Variants in DNAJC21 observed in about 807,000 individuals in gnomAD.
DNAJC21 encodes the protein dnaJ homolog subfamily C member 21.
A neutral mutation model predicts 72.4 loss-of-function variants in DNAJC21; 63 were observed. The ratio of observed to expected loss-of-function variants is 0.87; its 90% CI spans 0.71 to 1.07. The LOEUF is 1.07. DNAJC21 is among the 50% of genes least tolerant of loss of function. The probability of loss-of-function intolerance (pLI) is 0.00; values close to 1 mark genes in which losing one functional copy is unlikely to be tolerated. For synonymous variants in DNAJC21, 203 were observed against 216.7 expected (o/e 0.94, Z 0.56); for missense variants, 634 against 644.8 (o/e 0.98, Z 0.18).
chr5:34,937,876 A>G (rs998569010), intron 5 of DNAJC21, among the ~76,000 whole-genome samples: 1 of 152,000 alleles, frequency 6.6e-6, no homozygotes, highest in East Asian at 1.9e-4. Flanking sequence ...GCTCACTGCA[A>G]CCTCCGCCTC....
chr5:34,935,655 CTT>C, intron 2 of DNAJC21, 53 bp from the exon 3 acceptor site: 1 of 1,603,968 alleles, frequency 6.2e-7, no homozygotes, highest in Non-Finnish European at 8.5e-7. Context: ...GCAAGAAATC[CTT>C]TTGAATTCTT....
intron 9 of DNAJC21, among the ~76,000 whole-genome samples, chr5:34,948,286 GGTTTTT>G (rs1169742293): frequency 1.3e-5 from 2 of 152,128 alleles, no homozygotes; most frequent in African/African-American, 4.8e-5. Flanking sequence ...CACACGTTTT[GGTTTTT>G]AAGTTCACTT....
At chr5:34,940,361 A>C (rs534949158) in intron 6 of DNAJC21, among the ~76,000 whole-genome samples, 2 of 152,356 alleles carry the variant, frequency 1.3e-5, no homozygotes, top group Admixed American at 1.3e-4. Flanking sequence ...TTATGATTTC[A>C]ATGAGACAGT....
chr5:34,951,896 A>G (rs573011314), intron 10 of DNAJC21: 175 of 985,458 alleles, frequency 1.8e-4, no homozygotes, highest in Admixed American at 2.5e-4. Flanking sequence ...CCACTGATAT[A>G]GTTCAGCTCT....
rs950574037 is a variant in DNAJC21, at chr5:34,958,482, T to C, written c.*3768T>C. On this transcript the variant is annotated 3_prime_UTR_variant, in exon 12 of 12. Transcript: ENST00000648817. ...TTTTAAATGAGAATCTATAAGGTTATTTTCATGATTTTGCAAATGGGAAGG... is the reference window on the plus strand; with the variant it reads ...TTTTAAATGAGAATCTATAAGGTTACTTTCATGATTTTGCAAATGGGAAGG... The C allele has an allele frequency of 6.6e-6, 1 of 152,186 alleles. No homozygotes were observed. The highest frequency in any genetic ancestry group is 1.5e-5 in the Non-Finnish European group (1 of 68,038). 9.4% of individuals were successfully genotyped at this position (152,186 alleles called of 1,614,324 possible).
chr5:34,954,669 C>G lies in DNAJC21; in HGVS notation c.1551C>G (p.Ser517Arg), dbSNP rs539760094. The G allele has an allele frequency of 6.2e-7, 1 of 1,610,758 alleles. No individual in the cohort carries two copies. The highest frequency in any genetic ancestry group is 1.3e-5 in the African/African-American group (1 of 74,838). Residue 517 changes from serine to arginine, a missense_variant, in exon 12 of 12, where the codon AGC becomes AGG. Ser to Arg is a moderately radical substitution (Grantham distance 110, BLOSUM62 -1). Transcript: ENST00000648817. ...ARAPSSSSLNSATSSQSKKEK... is the reference protein window; with the variant it reads ...ARAPSSSSLNRATSSQSKKEK... Reference sequence around the variant, plus strand: ...CACCTTCATCATCGTCTTTAAACAGCGCAACAAGTAGTCAAAGCAAGAAAG... The same window carrying G: ...CACCTTCATCATCGTCTTTAAACAGGGCAACAAGTAGTCAAAGCAAGAAAG...
intron 3 of DNAJC21, 100 bp downstream of exon 3, chr5:34,935,933 C>T: frequency 6.6e-7 from 1 of 1,521,312 alleles, no homozygotes; most frequent in Non-Finnish European, 8.9e-7. Context: ...GAAAGTGAAG[C>T]AGTGTTCATT....
intron 1 of DNAJC21, among the ~76,000 whole-genome samples, chr5:34,930,958 A>G (rs2112011866): frequency 6.6e-6 from 1 of 152,368 alleles, no homozygotes; most frequent in South Asian, 2.1e-4. Context: ...ACCATTTTGT[A>G]TTGAGTCTTC....
intron 4 of DNAJC21, 121 bp from the exon 5 acceptor site, chr5:34,937,205 A>G: frequency 1.0e-6 from 1 of 995,740 alleles, no homozygotes; most frequent in Non-Finnish European, 1.5e-6. Flanking sequence ...TCCAGAGATT[A>G]TTAGAAGTGT....
chr5:34,945,855 G>T, intron 9 of DNAJC21, 52 bp downstream of exon 9: 1 of 1,308,766 alleles, frequency 7.6e-7, no homozygotes, highest in Non-Finnish European at 1.1e-6. Flanking sequence ...AAGTTGCAGT[G>T]CTCTTATTTA....
chr5:34,950,919 G>T (rs988973069), intron 10 of DNAJC21: 6 of 985,476 alleles, frequency 6.1e-6, no homozygotes, highest in Non-Finnish European at 7.2e-6. Context: ...CATCCTCCTC[G>T]GTTCCTCTAG....
At chr5:34,949,498 ATTC>A (rs1223559519) in intron 9 of DNAJC21, 1 of 1,550,984 alleles carries the variant, frequency 6.4e-7, no homozygotes, top group Non-Finnish European at 8.7e-7. Flanking sequence ...TTAGCATTAG[ATTC>A]TTGAGTGTGA....
Position 34,950,418 on chromosome 5 carries a change from A to C in DNAJC21, c.1358+76A>C, listed in dbSNP as rs191548338. 2,324 of 1,512,900 alleles carry C rather than the reference A, an allele frequency of 1.5e-3. 1 individual carries two copies. Among genetic ancestry groups the C allele is most frequent in the Non-Finnish European group, 1.7e-3 (1,983 of 1,134,194 alleles). 93.7% of individuals were successfully genotyped at this position (1,512,900 alleles called of 1,614,324 possible). ...GATGTAGCTTTTCATATATCAAATA[A>C]AATCTTCTTTCCCATGACTGACCAG... On this transcript the variant is annotated intron_variant, in intron 10 of 11. Transcript: ENST00000648817.
intron 6 of DNAJC21, among the ~76,000 whole-genome samples, chr5:34,939,944 G>A (rs1198604089): frequency 1.3e-5 from 2 of 152,122 alleles, no homozygotes; most frequent in African/African-American, 2.4e-5. Flanking sequence ...GAAGTGAAGC[G>A]TTTTATTAAT....
At chr5:34,949,645 A>G (rs1360881080) in intron 9 of DNAJC21, 1 of 1,613,106 alleles carries the variant, frequency 6.2e-7, no homozygotes, top group Non-Finnish European at 8.5e-7. Flanking sequence ...GAGCGAGCAC[A>G]AATGTGCCAA....
Position 34,945,870 on chromosome 5 carries a change from G to T in DNAJC21, c.1185+67G>T. ...AAGTTGCAGTGCTCTTATTTATTCAGTGTAGTCTGTGTTAAGGAGAGAAAC... is the reference window on the plus strand; with the variant it reads ...AAGTTGCAGTGCTCTTATTTATTCATTGTAGTCTGTGTTAAGGAGAGAAAC... On this transcript the variant is annotated intron_variant, in intron 9 of 11. Transcript: ENST00000648817. 3.6e-6 allele frequency: 4 copies of T among 1,097,958 alleles called. No individual in the cohort carries two copies. In the South Asian group the frequency reaches 6.6e-5, roughly 18 times the overall value. 68.0% of individuals were successfully genotyped at this position (1,097,958 alleles called of 1,614,324 possible).
intron 11 of DNAJC21, 169 bp downstream of exon 11, chr5:34,954,170 AT>A: frequency 1.7e-6 from 1 of 573,290 alleles, no homozygotes; most frequent in Non-Finnish European, 2.9e-6. Context: ...TTTCATTAAA[AT>A]AAAAAGAAGC....
rs375878413 is a variant in DNAJC21 at position 34,933,926 on chromosome 5, C to T, written c.191+18C>T. The T allele has an allele frequency of 1.1e-5, 17 of 1,605,692 alleles. 1 individual carries two copies. The African/African-American group carries it at 1.6e-4, about 15-fold the overall frequency. On this transcript the variant is annotated intron_variant, in intron 2 of 11. Transcript: ENST00000648817. ...AGAGCATGGTGAGCATCACGCTGTC[C>T]TTCCCATCCTAGTTTATGATGTTGG... is the stretch of plus-strand genomic sequence containing the variant.
rs1475772742 is a variant in DNAJC21, at chr5:34,958,539, C to T, written c.*3825C>T. ...TTAAAGCAAGACACAAAAGCATACA[C>T]AGGAAAAAATGATGCATAAAAACAT... On this transcript the variant is annotated 3_prime_UTR_variant, in exon 12 of 12. Transcript: ENST00000648817. 1.3e-5 allele frequency: 2 copies of T among 152,062 alleles called. No homozygotes were observed. The highest frequency in any genetic ancestry group is 2.9e-5 in the Non-Finnish European group (2 of 68,016). The allele number at this position is 152,062 out of a possible 1,614,324, so 9.4% of individuals were successfully genotyped here.
Sources: gnomAD v4.1 joint callset for allele counts (sites outside exome capture counted in the v4.1 genomes callset) on GRCh38, gnomAD v4.1.1 for gene constraint, MANE v1.5 for transcripts, NCBI Gene and HGNC (gene_info 2026-07-23, HGNC 2026-07-21) for gene names.